The following CD1E variants were observed in gnomAD, a reference collection of about 807,000 sequenced individuals.
The protein encoded by CD1E is CD1e molecule.
CD1E carries 49 observed loss-of-function variants against 40.1 expected under a neutral mutation model. That is an observed-to-expected ratio of 1.22 (90% CI 0.97 to 1.55). The LOEUF (loss-of-function observed/expected upper bound fraction) is 1.55. Among genes scored for constraint, CD1E ranks in the 40% most tolerant of loss-of-function variants. The probability of loss-of-function intolerance (pLI) is 0.00; values close to 1 mark genes in which losing one functional copy is unlikely to be tolerated. For synonymous variants in CD1E, 189 were observed against 178.3 expected, an observed-to-expected ratio of 1.06 and a Z score of -0.48; for missense variants, 492 against 471.3, an observed-to-expected ratio of 1.04 and a Z score of -0.41.
At position 158,355,876 on chromosome 1, in the gene CD1E, T is replaced by C. The variant is rs767963719; in HGVS notation, c.675T>C (p.Arg225=). ...GTGGCCCCAGTCCTGGCCCTGGCCG[T>C]CTGCAGCTTGTGTGCCATGTCTCAG... ...LSCGPSPGPG[R]LQLVCHVSGF... is the part of the protein sequence containing the mutation. The change falls in exon 4 of 6, where the codon CGT becomes CGC. Residue 225 remains arginine (R), a synonymous_variant. Transcript: ENST00000368167. The C allele has an allele frequency of 2.5e-6, 4 of 1,614,096 alleles. No individual in the cohort carries two copies. The South Asian group carries it at 3.3e-5, about 13-fold the overall frequency.
At chr1:158,354,754 A>T in intron 2 of CD1E, 81 bp downstream of exon 2, 1 of 1,246,356 alleles carries the variant, frequency 8.0e-7, no homozygotes, top group Non-Finnish European at 1.1e-6. Flanking sequence ...ATAGACTCTG[A>T]CCATCATTTA....
intron 1 of CD1E, 157 bp downstream of exon 1, chr1:158,354,203 G>C (rs1653319934): frequency 2.2e-6 from 2 of 915,156 alleles, no homozygotes; most frequent in Non-Finnish European, 3.4e-6. Context: ...CTTGCTCTCA[G>C]TCTCAGTTTT....
rs781424493 is a variant in CD1E, at chr1:158,355,302, C to T, written c.358C>T (p.Pro120Ser). Residue 120 changes from proline to serine, a missense_variant and splice_region_variant, in exon 3 of 6, where the codon CCC becomes TCC. Physicochemically the swap from Pro to Ser is moderately conservative, Grantham distance 74. Transcript: ENST00000368167. ...ASAGQFQLEY[P>S]FEIQILAGCR... Reference sequence around the variant, plus strand: ...CTCTCTTCCCTGTCCACTCTCAGACCCCTTCGAGATCCAGATATTAGCTGG... The same window carrying T: ...CTCTCTTCCCTGTCCACTCTCAGACTCCTTCGAGATCCAGATATTAGCTGG... 3.1e-6 allele frequency: 5 copies of T among 1,613,270 alleles called. No homozygotes were observed. The African/African-American group carries it at 5.3e-5, about 17-fold the overall frequency.
At position 158,353,909 on chromosome 1, in the gene CD1E, A is replaced by G; in HGVS notation, c.-80A>G. 9.2e-7 allele frequency: 1 copy of G among 1,090,396 alleles called. No homozygotes were observed. The highest frequency in any genetic ancestry group is 1.4e-6 in the Non-Finnish European group (1 of 706,296). 67.5% of individuals were successfully genotyped at this position (1,090,396 alleles called of 1,614,324 possible). ...AAGGGAAGTCAGACGAGAGTGCAAG[A>G]GGGTGTGGAGAGGGGTACTGATATC... On this transcript the variant is annotated 5_prime_UTR_variant, in exon 1 of 6. Transcript: ENST00000368167.
At position 158,357,117 on chromosome 1, in the gene CD1E, T is replaced by C. The variant is rs965308586; in HGVS notation, c.*221T>C. The C allele has an allele frequency of 4.2e-6, 2 of 472,220 alleles. No individual in the cohort carries two copies. Among genetic ancestry groups the C allele is most frequent in the Non-Finnish European group, 7.6e-6 (2 of 264,466 alleles). The allele number at this position is 472,220 out of a possible 1,614,324, so 29.3% of individuals were successfully genotyped here. A position where few individuals can be genotyped will look rare whatever the true frequency, so the allele number is the denominator to read the frequency against. The stretch of plus-strand genomic sequence containing the variant: ...GAAACTATAATCCAGATACTTCTTT[T>C]TCATGGATTCCCGAGATCACCCAAT... On this transcript the variant is annotated 3_prime_UTR_variant, in exon 6 of 6. Coordinates refer to ENST00000368167, the MANE Select transcript of CD1E (RefSeq NM_030893.4).
Position 158,354,645 on chromosome 1 carries a change from A to G in CD1E, c.327A>G (p.Gln109=). The change falls in exon 2 of 6, where the codon CAA becomes CAG. Residue 109 remains glutamine, a synonymous_variant. Coordinates refer to ENST00000368167, the MANE Select transcript of CD1E (RefSeq NM_030893.4). ...LYFHSFIQIV[Q]ASAGQFQLEY... ...TCCATAGTTTTATCCAGATAGTGCA[A>G]GCTTCTGCTGGTCAATTTCAGCTTG... 6.2e-7 allele frequency: 1 copy of G among 1,613,610 alleles called. No homozygotes were observed. Among genetic ancestry groups the G allele is most frequent in the Non-Finnish European group, 8.5e-7 (1 of 1,179,656 alleles).
At position 158,355,874 on chromosome 1, in the gene CD1E, C is replaced by T. The variant is rs752106545; in HGVS notation, c.673C>T (p.Arg225Cys). The T allele has an allele frequency of 1.7e-5, 27 of 1,613,970 alleles. No individual in the cohort carries two copies. The highest frequency in any genetic ancestry group is 8.9e-5 in the East Asian group (4 of 44,874). ...LSCGPSPGPGRLQLVCHVSGF... is the reference protein window; with the variant it reads ...LSCGPSPGPGCLQLVCHVSGF... The stretch of plus-strand genomic sequence containing the variant: ...CTGTGGCCCCAGTCCTGGCCCTGGC[C>T]GTCTGCAGCTTGTGTGCCATGTCTC... Residue 225 changes from arginine (R) to cysteine (C), a missense_variant, in exon 4 of 6, where the codon CGT becomes TGT. Transcript: ENST00000368167.
intron 3 of CD1E, 81 bp from the exon 4 acceptor site, chr1:158,355,746 T>A: frequency 6.8e-7 from 1 of 1,477,566 alleles, no homozygotes; most frequent in Non-Finnish European, 9.0e-7. Flanking sequence ...CTTAGTATTA[T>A]TACAAAGGCA....
Position 158,356,938 on chromosome 1 carries a change from CT to C in CD1E, c.*44del. 6.6e-7 allele frequency: 1 copy of C among 1,525,844 alleles called. No homozygotes were observed. The highest frequency in any genetic ancestry group is 9.1e-7 in the Non-Finnish European group (1 of 1,100,522). 94.5% of individuals were successfully genotyped at this position (1,525,844 alleles called of 1,614,324 possible). A position where few individuals can be genotyped will look rare whatever the true frequency, so the allele number is the denominator to read the frequency against. Reference sequence around the variant, plus strand: ...TACATAAAATCCTTGTCTGCATCTTCTTAAACACCGTCCATGTCCCATAAGG... The same window carrying C: ...TACATAAAATCCTTGTCTGCATCTTCTAAACACCGTCCATGTCCCATAAGG... On this transcript the variant is annotated 3_prime_UTR_variant, in exon 6 of 6. Coordinates refer to ENST00000368167, the MANE Select transcript of CD1E (RefSeq NM_030893.4).
rs746225230 is a variant in CD1E, at chr1:158,355,451, T to G, written c.507T>G (p.Cys169Trp). 1.4e-5 allele frequency: 23 copies of G among 1,613,952 alleles called. No individual in the cohort carries two copies. The highest frequency in any genetic ancestry group is 4.0e-5 in the African/African-American group (3 of 74,870). ...CAGGGATCCGGGCCCAGAACATCTG[T>G]AAAGTGCTCAATCGCTACCTAGATA... ...PGAGIRAQNICKVLNRYLDIK... is the reference protein window; with the variant it reads ...PGAGIRAQNIWKVLNRYLDIK... The change falls in exon 3 of 6, where the codon TGT becomes TGG. Residue 169 changes from cysteine (C) to tryptophan (W), a missense_variant. By Grantham distance (215) the Cys-to-Trp change is radical (BLOSUM62 -2). Coordinates refer to ENST00000368167, the MANE Select transcript of CD1E (RefSeq NM_030893.4).
intron 3 of CD1E, 85 bp from the exon 4 acceptor site, chr1:158,355,742 A>G (rs890756783): frequency 2.0e-6 from 3 of 1,467,998 alleles, no homozygotes; most frequent in South Asian, 2.8e-5. Flanking sequence ...CACTCTTAGT[A>G]TTATTACAAA....
chr1:158,356,203 A>G (rs1653658161), intron 4 of CD1E, 98 bp downstream of exon 4: 2 of 1,392,472 alleles, frequency 1.4e-6, no homozygotes, highest in South Asian at 2.7e-5. Flanking sequence ...TAGGTACAAG[A>G]AGGGTAAAAC....
rs761481386 is a variant in CD1E at position 158,356,042 on chromosome 1, G to A, written c.841G>A (p.Ala281Thr). The A allele has an allele frequency of 3.1e-6, 5 of 1,613,984 alleles. No homozygotes were observed. Among genetic ancestry groups the A allele is most frequent in the African/African-American group, 1.3e-5 (1 of 74,926 alleles). The change falls in exon 4 of 6, where the codon GCT becomes ACT. Residue 281 changes from alanine (A) to threonine (T), a missense_variant. By Grantham distance (58) the Ala-to-Thr change is moderately conservative. Coordinates refer to ENST00000368167, the MANE Select transcript of CD1E (RefSeq NM_030893.4). ...CCTGGATGTGGCGGCTGGGGAGGCA[G>A]CTGGCCTGTCCTGTCGGGTGAAACA... ...ATLDVAAGEA[A>T]GLSCRVKHSS...
chr1:158,354,244 C>T lies in CD1E; in HGVS notation c.59-133C>T. 3.1e-6 allele frequency: 3 copies of T among 972,256 alleles called. No individual in the cohort carries two copies. The East Asian group carries it at 7.2e-5, about 23-fold the overall frequency. 60.2% of individuals were successfully genotyped at this position (972,256 alleles called of 1,614,324 possible). On this transcript the variant is annotated intron_variant, in intron 1 of 5. Transcript: ENST00000368167. ...CTGATTTTGGAGAAAGGAAGCTGGC[C>T]CCACAGGAAAAGGGTATTGGAGTAT...
chr1:158,354,606 G>T lies in CD1E; in HGVS notation c.288G>T (p.Leu96=). The change falls in exon 2 of 6, where the codon CTG becomes CTT. Residue 96 remains leucine (L), a synonymous_variant. Transcript: ENST00000368167. ...SKQELKNLQS[L]FQLYFHSFIQ... is the part of the protein sequence containing the mutation. The stretch of plus-strand genomic sequence containing the variant: ...AGGAGCTGAAAAACTTACAGTCACT[G>T]TTCCAGTTATACTTCCATAGTTTTA... 1 of 1,614,136 alleles carries T rather than the reference G, an allele frequency of 6.2e-7. No homozygotes were observed. The highest frequency in any genetic ancestry group is 8.5e-7 in the Non-Finnish European group (1 of 1,180,012).
At position 158,356,933 on chromosome 1, in the gene CD1E, A is replaced by T. The variant is rs767019582; in HGVS notation, c.*37A>T. On this transcript the variant is annotated 3_prime_UTR_variant, in exon 6 of 6. Coordinates refer to ENST00000368167, the MANE Select transcript of CD1E (RefSeq NM_030893.4). ...CCTTATACATAAAATCCTTGTCTGCATCTTCTTAAACACCGTCCATGTCCC... is the reference window on the plus strand; with the variant it reads ...CCTTATACATAAAATCCTTGTCTGCTTCTTCTTAAACACCGTCCATGTCCC... 1.9e-6 allele frequency: 3 copies of T among 1,568,030 alleles called. No homozygotes were observed. The highest frequency in any genetic ancestry group is 2.6e-6 in the Non-Finnish European group (3 of 1,138,854).
At chr1:158,354,735 A>G in intron 2 of CD1E, 62 bp downstream of exon 2, 1 of 1,417,820 alleles carries the variant, frequency 7.1e-7, no homozygotes, top group Non-Finnish European at 9.8e-7. Flanking sequence ...CCAAAGTGGA[A>G]GATAGTATAT....
At position 158,355,339 on chromosome 1, in the gene CD1E, A is replaced by G; in HGVS notation, c.395A>G (p.Asn132Ser). Reference sequence around the variant, plus strand: ...CAGATATTAGCTGGCTGTAGAATGAATGCCCCACAAATCTTCTTAAATATG... The same window carrying G: ...CAGATATTAGCTGGCTGTAGAATGAGTGCCCCACAAATCTTCTTAAATATG... ...EIQILAGCRMNAPQIFLNMAY... is the reference protein window; with the variant it reads ...EIQILAGCRMSAPQIFLNMAY... The change falls in exon 3 of 6, where the codon AAT becomes AGT. Residue 132 changes from asparagine to serine, a missense_variant. By Grantham distance (46) the Asn-to-Ser change is conservative. Coordinates refer to ENST00000368167, the MANE Select transcript of CD1E (RefSeq NM_030893.4). The G allele has an allele frequency of 6.2e-7, 1 of 1,614,068 alleles. No individual in the cohort carries two copies. Among genetic ancestry groups the G allele is most frequent in the Non-Finnish European group, 8.5e-7 (1 of 1,179,932 alleles).
In CD1E at chr1:158,355,920, T is replaced by C; in HGVS notation, c.719T>C (p.Val240Ala). The change falls in exon 4 of 6, where the codon GTG (valine) becomes GCG (alanine). Residue 240 changes from valine to alanine, a missense_variant. Physicochemically the swap from Val to Ala is moderately conservative, Grantham distance 64 (BLOSUM62 0). Coordinates refer to ENST00000368167, the MANE Select transcript of CD1E (RefSeq NM_030893.4). The stretch of plus-strand genomic sequence containing the variant: ...GTCTCAGGATTCTACCCAAAGCCCG[T>C]GTGGGTGATGTGGATGCGGGGTGAG... ...CHVSGFYPKP[V>A]WVMWMRGEQE... 1 of 1,613,926 alleles carries C rather than the reference T, an allele frequency of 6.2e-7. No individual in the cohort carries two copies. The highest frequency in any genetic ancestry group is 8.5e-7 in the Non-Finnish European group (1 of 1,179,990).
Sources: gnomAD v4.1 joint callset for allele counts on GRCh38, gnomAD v4.1.1 for gene constraint, MANE v1.5 for transcripts, NCBI Gene and HGNC (gene_info 2026-07-23, HGNC 2026-07-21) for gene names.